Variants in POU2F1 observed in about 807,000 individuals in gnomAD.
The protein encoded by POU2F1 is POU domain, class 2, transcription factor 1.
POU2F1 carries 16 observed loss-of-function variants against 84.9 expected under a neutral mutation model. That is an observed-to-expected ratio of 0.19 (90% CI 0.13 to 0.29). The LOEUF (loss-of-function observed/expected upper bound fraction) is 0.29. Ranked by LOEUF, POU2F1 falls within the 10% of genes least tolerant of loss-of-function variation. The pLI is 1.00. For missense variants in POU2F1, 738 were observed against 942.6 expected, an observed-to-expected ratio of 0.78 and a Z score of 2.84; for synonymous variants, 368 against 368.3, an observed-to-expected ratio of 1.00 and a Z score of 0.01.
chr1:167,407,476 T>G (rs61806126), intron 13 of POU2F1, among the ~76,000 whole-genome samples: 5,421 of 152,302 alleles, frequency 0.036, 149 homozygotes, highest in Non-Finnish European at 0.055. Flanking sequence ...TCAGAGGATT[T>G]TCATGTCCTA....
At chr1:167,305,850 C>G (rs1655027967) in intron 1 of POU2F1, among the ~76,000 whole-genome samples, 2 of 152,178 alleles carry the variant, frequency 1.3e-5, no homozygotes, top group African/African-American at 4.8e-5. Context: ...CACTCATCCT[C>G]TGAGTAGAAG....
chr1:167,329,407 C>T (rs994965266), intron 1 of POU2F1: 10 of 1,365,130 alleles, frequency 7.3e-6, no homozygotes, highest in South Asian at 5.2e-5. Flanking sequence ...CAGCCTGTGG[C>T]GGGGGAGGGG....
chr1:167,227,649 A>C (rs944040087), intron 1 of POU2F1, among the ~76,000 whole-genome samples: 4 of 152,164 alleles, frequency 2.6e-5, no homozygotes, highest in African/African-American at 9.7e-5. Flanking sequence ...TTACCATCCT[A>C]GTCTATAAAA....
chr1:167,237,269 C>T (rs1649536291), intron 1 of POU2F1, among the ~76,000 whole-genome samples: 2 of 152,100 alleles, frequency 1.3e-5, no homozygotes, highest in East Asian at 1.9e-4. Context: ...GGAGTGTAAA[C>T]GCCTACCTAG....
At chr1:167,288,427 C>T (rs1482312617) in intron 1 of POU2F1, among the ~76,000 whole-genome samples, 1 of 152,144 alleles carries the variant, frequency 6.6e-6, no homozygotes, top group Non-Finnish European at 1.5e-5. Flanking sequence ...TAGGAGCTGA[C>T]TTGGAGTGGC....
chr1:167,374,956 A>G (rs1192511702), intron 6 of POU2F1, among the ~76,000 whole-genome samples: 1 of 152,054 alleles, frequency 6.6e-6, no homozygotes, highest in African/African-American at 2.4e-5. Context: ...AATCCCAGCT[A>G]CGCGGGAGGT....
At chr1:167,222,419 C>G (rs988583473) in intron 1 of POU2F1, among the ~76,000 whole-genome samples, 27 of 152,318 alleles carry the variant, frequency 1.8e-4, no homozygotes, top group Admixed American at 1.0e-3. Context: ...ATAACAGCCA[C>G]TCACAGCCCA....
intron 7 of POU2F1, 100 bp downstream of exon 7, chr1:167,376,255 C>G: frequency 6.3e-6 from 8 of 1,268,032 alleles, no homozygotes; most frequent in Non-Finnish European, 8.3e-6. Flanking sequence ...AACTATTAGA[C>G]CAATGTTTTT....
chr1:167,378,362 A>G (rs1217153675), intron 7 of POU2F1, among the ~76,000 whole-genome samples: 1 of 150,986 alleles, frequency 6.6e-6, no homozygotes, highest in Non-Finnish European at 1.5e-5. Context: ...CGGCCTCCCA[A>G]GTAGCTGGGA....
Position 167,341,382 on chromosome 1 carries a change from G to A in POU2F1, c.127+8847G>A, listed in dbSNP as rs959657228. On this transcript the variant is annotated intron_variant, in intron 2 of 15. Transcript: ENST00000367866. Reference sequence around the variant, plus strand: ...TTTTAAAGCAGCTGACTCATCTGTTGTAATGAATTTACAGTCAATTAACTG... The same window carrying A: ...TTTTAAAGCAGCTGACTCATCTGTTATAATGAATTTACAGTCAATTAACTG... Among the ~76,000 whole-genome samples the A allele has an allele frequency of 2.6e-5, 4 of 152,262 alleles. No individual in the cohort carries two copies. The East Asian group carries it at 7.7e-4, about 29-fold the overall frequency.
intron 1 of POU2F1, among the ~76,000 whole-genome samples, chr1:167,303,754 G>A (rs1037320504): frequency 6.6e-6 from 1 of 152,078 alleles, no homozygotes; most frequent in African/African-American, 2.4e-5. Context: ...TGATGCTTGG[G>A]ATGCCTGCGA....
At chr1:167,242,651 C>T (rs1054100038) in intron 1 of POU2F1, among the ~76,000 whole-genome samples, 1 of 152,048 alleles carries the variant, frequency 6.6e-6, no homozygotes, top group East Asian at 1.9e-4. Flanking sequence ...GAAATTAGCC[C>T]GAATCAGGAG....
chr1:167,353,334 T>G (rs1178472209), intron 2 of POU2F1, among the ~76,000 whole-genome samples: 1 of 151,992 alleles, frequency 6.6e-6, no homozygotes, highest in Non-Finnish European at 1.5e-5. Context: ...TTTTTCTGTT[T>G]TTACCTACCT....
intron 1 of POU2F1, among the ~76,000 whole-genome samples, chr1:167,272,390 CA>C (rs35666628): frequency 0.028 from 2,301 of 82,158 alleles, 17 homozygotes; most frequent in South Asian, 0.064. Context: ...ATTAGGATTT[CA>C]AAAAAAAAAA....
chr1:167,327,750 T>TTA (rs1403796400), intron 1 of POU2F1, among the ~76,000 whole-genome samples: 1 of 152,198 alleles, frequency 6.6e-6, no homozygotes, highest in African/African-American at 2.4e-5. Flanking sequence ...CCCTACGTGT[T>TTA]TAACTCATCC....
At chr1:167,290,311 T>C (rs998558346) in intron 1 of POU2F1, among the ~76,000 whole-genome samples, 1 of 151,994 alleles carries the variant, frequency 6.6e-6, no homozygotes, top group Non-Finnish European at 1.5e-5. Flanking sequence ...GTGAGAGGAT[T>C]GATTGAACCC....
intron 9 of POU2F1, among the ~76,000 whole-genome samples, chr1:167,389,986 GTAT>G (rs1648279323): frequency 6.6e-6 from 1 of 152,152 alleles, no homozygotes; most frequent in South Asian, 2.1e-4. Flanking sequence ...ATTATATTAA[GTAT>G]TATAAGTAAC....
At chr1:167,343,093 T>C (rs1571334707) in intron 2 of POU2F1, among the ~76,000 whole-genome samples, 2 of 152,182 alleles carry the variant, frequency 1.3e-5, no homozygotes, top group Admixed American at 1.3e-4. Context: ...TCAGTACGTA[T>C]TGAGAAACTT....
At chr1:167,286,670 T>C (rs1387439555) in intron 1 of POU2F1, among the ~76,000 whole-genome samples, 2 of 152,104 alleles carry the variant, frequency 1.3e-5, no homozygotes, top group African/African-American at 4.8e-5. Context: ...TAAACCACAG[T>C]GACAAGGTGG....
Sources: allele counts gnomAD v4.1 joint callset (sites outside exome capture counted in the v4.1 genomes callset), GRCh38; gene constraint gnomAD v4.1.1; transcripts MANE v1.5; gene names NCBI Gene and HGNC (gene_info 2026-07-23, HGNC 2026-07-21).